TDRD9: variants seen among roughly 807,000 people sequenced by gnomAD.
TDRD9 encodes the protein tudor domain containing 9.
Under a neutral mutation model 172.6 loss-of-function variants are expected in TDRD9, and 124 were observed. That is an observed-to-expected ratio of 0.72 (90% confidence interval 0.62 to 0.83). TDRD9 has a LOEUF of 0.83. Ranked by LOEUF, TDRD9 falls within the 40% of genes least tolerant of loss-of-function variation. The pLI is 0.00. For synonymous variants in TDRD9, 619 were observed against 617.1 expected (o/e 1.00, Z -0.05); for missense variants, 1,479 against 1,714.1 (o/e 0.86, Z 2.42).
chr14:104,022,726 TAAAA>T (rs1158408781), intron 24 of TDRD9, among the ~76,000 whole-genome samples: 1 of 67,586 alleles, frequency 1.5e-5, no homozygotes, highest in African/African-American at 4.4e-5. Flanking sequence ...GACGCTGTCT[TAAAA>T]AATAAATAAA....
At chr14:103,936,956 G>C (rs2030807289) in intron 1 of TDRD9, among the ~76,000 whole-genome samples, 1 of 152,136 alleles carries the variant, frequency 6.6e-6, no homozygotes, top group Non-Finnish European at 1.5e-5. Context: ...GCCGGGTGTT[G>C]TGGTGCCTGC....
intron 1 of TDRD9, among the ~76,000 whole-genome samples, chr14:103,939,578 G>A (rs7149867): frequency 0.016 from 2,423 of 150,698 alleles, 68 homozygotes; most frequent in African/African-American, 0.056. Context: ...CCCTGATCAG[G>A]TGGGTTGCAT....
chr14:103,976,378 A>G (rs1440299568), intron 7 of TDRD9, among the ~76,000 whole-genome samples: 1 of 150,776 alleles, frequency 6.6e-6, no homozygotes, highest in African/African-American at 2.4e-5. Context: ...GGTTCACACC[A>G]TTCTCCTGCC....
intron 29 of TDRD9, 84 bp downstream of exon 29, chr14:104,031,347 G>A: frequency 7.9e-7 from 1 of 1,264,354 alleles, no homozygotes; most frequent in Non-Finnish European, 1.1e-6. Flanking sequence ...CAGTAGTCAT[G>A]GTGGTTTTTT....
At chr14:103,989,807 G>A (rs1457725882) in intron 8 of TDRD9, among the ~76,000 whole-genome samples, 1 of 152,208 alleles carries the variant, frequency 6.6e-6, no homozygotes, top group Non-Finnish European at 1.5e-5. Context: ...TGTCCACTCT[G>A]TGCGTTTTCC....
At chr14:103,941,330 A>T in intron 1 of TDRD9, 3 of 1,178,178 alleles carry the variant, frequency 2.5e-6, no homozygotes, top group Non-Finnish European at 3.5e-6. Context: ...TACAGTTTCT[A>T]GTCAAAATAT....
intron 33 of TDRD9, 56 bp downstream of exon 33, chr14:104,040,390 A>T (rs2035579915): frequency 1.5e-5 from 22 of 1,460,326 alleles, no homozygotes; most frequent in Non-Finnish European, 1.9e-5. Flanking sequence ...GGTTTTGCTT[A>T]CCTGACAGTG....
At chr14:104,019,005 C>T (rs903888129) in intron 23 of TDRD9, among the ~76,000 whole-genome samples, 8 of 152,270 alleles carry the variant, frequency 5.3e-5, no homozygotes, top group African/African-American at 9.6e-5. Context: ...ACACAACTCC[C>T]TAATAAGCAA....
intron 8 of TDRD9, among the ~76,000 whole-genome samples, chr14:103,987,019 C>T (rs902782935): frequency 5.9e-5 from 9 of 152,076 alleles, no homozygotes; most frequent in African/African-American, 2.2e-4. Flanking sequence ...GAGGCTGAGG[C>T]AGAGGAATCG....
chr14:103,944,291 G>A (rs986848828), intron 1 of TDRD9, among the ~76,000 whole-genome samples: 1 of 152,054 alleles, frequency 6.6e-6, no homozygotes, highest in Non-Finnish European at 1.5e-5. Context: ...GCCCCCTGAC[G>A]CTTGCCATGC....
intron 20 of TDRD9, among the ~76,000 whole-genome samples, chr14:104,014,245 AAAAAAG>A (rs2034710832): frequency 7.3e-6 from 1 of 137,902 alleles, no homozygotes; most frequent in African/African-American, 2.6e-5. Context: ...AAAAAAAAAA[AAAAAAG>A]ATAATAATAA....
At chr14:103,958,982 C>A (rs370005080) in intron 2 of TDRD9, among the ~76,000 whole-genome samples, 3 of 152,206 alleles carry the variant, frequency 2.0e-5, no homozygotes, top group South Asian at 4.1e-4. Context: ...AGTTTCCATG[C>A]TTTTCTTGGG....
At chr14:104,017,604 G>C (rs1299452066) in intron 22 of TDRD9, among the ~76,000 whole-genome samples, 1 of 152,232 alleles carries the variant, frequency 6.6e-6, no homozygotes, top group Non-Finnish European at 1.5e-5. Context: ...GGAGTGCTTT[G>C]CAGAAACCCA....
chr14:103,972,546 C>CA (rs1328804983), intron 6 of TDRD9, among the ~76,000 whole-genome samples: 3 of 152,152 alleles, frequency 2.0e-5, no homozygotes, highest in Non-Finnish European at 4.4e-5. Flanking sequence ...ATTGTGCAGT[C>CA]TAAATAAGTC....
chr14:104,026,221 C>T, intron 27 of TDRD9, 85 bp downstream of exon 27: 1 of 945,676 alleles, frequency 1.1e-6, no homozygotes, highest in East Asian at 2.4e-5. Context: ...GGTGCCCTGC[C>T]TCGGCTTACA....
At chr14:103,953,453 G>A (rs754501394) in intron 1 of TDRD9, among the ~76,000 whole-genome samples, 12 of 152,222 alleles carry the variant, frequency 7.9e-5, no homozygotes, top group Non-Finnish European at 1.8e-4. Context: ...TTATTAAAGT[G>A]TATTAGACAG....
intron 25 of TDRD9, 62 bp from the exon 26 acceptor site, chr14:104,025,502 C>T: frequency 7.4e-7 from 1 of 1,348,310 alleles, no homozygotes; most frequent in Non-Finnish European, 1.0e-6. Context: ...GATTCAAGCT[C>T]ATTTTCCTCC....
At position 103,955,743 on chromosome 14, in the gene TDRD9, C is replaced by T. The variant is rs77852716; in HGVS notation, c.295C>T (p.Arg99Cys). Residue 99 changes from arginine (R) to cysteine (C), a missense_variant, in exon 2 of 36, where the codon CGC becomes TGC. Physicochemically the swap from Arg to Cys is radical, Grantham distance 180. Transcript: ENST00000409874. ...CGAAGCACAAGAGCTTGATGTGTGT[C>T]GCAGTGTCCAACCAACCAGTGGGCC... The part of the protein sequence containing the change: ...QLEAQELDVC[R>C]SVQPTSGPGP... 1.2e-5 allele frequency: 19 copies of T among 1,551,214 alleles called. No individual in the cohort carries two copies. The highest frequency in any genetic ancestry group is 1.1e-4 in the African/African-American group (8 of 73,080).
chr14:104,016,047 G>A lies in TDRD9; in HGVS notation c.2290G>A (p.Val764Met), dbSNP rs755429274. The A allele has an allele frequency of 1.2e-6, 2 of 1,604,582 alleles. No individual in the cohort carries two copies. The highest frequency in any genetic ancestry group is 2.2e-5 in the East Asian group (1 of 44,614). The change falls in exon 22 of 36, where the codon GTG becomes ATG. Residue 764 changes from valine to methionine, a missense_variant. Coordinates refer to ENST00000409874, the MANE Select transcript of TDRD9 (RefSeq NM_153046.3). ...TGGACAGCCGGATGAGGAGATGGCG[G>A]TGAGGGAGCTGGCTGGCAAGGACCC... is the stretch of plus-strand genomic sequence containing the variant. ...TFGQPDEEMA[V>M]RELAGKDPKT...
Sources: allele counts gnomAD v4.1 joint callset (sites outside exome capture counted in the v4.1 genomes callset), GRCh38; gene constraint gnomAD v4.1.1; transcripts MANE v1.5; gene names NCBI Gene and HGNC (gene_info 2026-07-23, HGNC 2026-07-21).